Variants in FAM13A observed in about 807,000 individuals in gnomAD.
FAM13A encodes protein FAM13A.
FAM13A carries 76 observed loss-of-function variants against 129.6 expected under a neutral mutation model. The observed-to-expected ratio is 0.59, with a 90% CI of 0.49 to 0.71. The LOEUF is 0.71. Among genes scored for constraint, FAM13A ranks in the 30% least tolerant of loss-of-function variants. The pLI, the probability that FAM13A is intolerant of heterozygous loss-of-function variation, is 0.00. For synonymous variants in FAM13A, 443 were observed against 449.9 expected (o/e 0.98, Z 0.20); for missense variants, 1,108 against 1,249.3 (o/e 0.89, Z 1.70).
intron 6 of FAM13A, among the ~76,000 whole-genome samples, chr4:88,894,231 T>A (rs987356631): frequency 1.3e-5 from 2 of 152,212 alleles, no homozygotes; most frequent in Non-Finnish European, 1.5e-5. Flanking sequence ...ATGAGTCACA[T>A]GAAAATTATT....
intron 11 of FAM13A, among the ~76,000 whole-genome samples, chr4:88,779,959 G>A (rs1280366712): frequency 6.6e-6 from 1 of 151,898 alleles, no homozygotes; most frequent in African/African-American, 2.4e-5. Flanking sequence ...GCAAATCATG[G>A]GCCAATTAGA....
At chr4:88,735,714 C>T (rs1205849118) in intron 21 of FAM13A, among the ~76,000 whole-genome samples, 1 of 152,194 alleles carries the variant, frequency 6.6e-6, no homozygotes, top group Non-Finnish European at 1.5e-5. Flanking sequence ...AGTCCAAATA[C>T]TTTCTAATAG....
intron 2 of FAM13A, among the ~76,000 whole-genome samples, chr4:89,027,927 G>A (rs957607111): frequency 2.0e-5 from 3 of 151,964 alleles, no homozygotes; most frequent in African/African-American, 2.4e-5. Context: ...ATTGGTGGCC[G>A]GGTGCAGTGG....
intron 18 of FAM13A, among the ~76,000 whole-genome samples, chr4:88,747,235 C>T (rs111903413): frequency 0.012 from 1,766 of 152,214 alleles, 32 homozygotes; most frequent in African/African-American, 0.04. Context: ...ATCTCCCTCA[C>T]GGCAGCAAAG....
chr4:88,844,799 C>A (rs943574753), intron 7 of FAM13A, among the ~76,000 whole-genome samples: 1 of 152,094 alleles, frequency 6.6e-6, no homozygotes, highest in Non-Finnish European at 1.5e-5. Context: ...GGTGAGGAAG[C>A]TATGGGGCCA....
intron 11 of FAM13A, among the ~76,000 whole-genome samples, chr4:88,779,778 A>G (rs533186611): frequency 1.3e-5 from 2 of 152,338 alleles, no homozygotes; most frequent in Non-Finnish European, 2.9e-5. Flanking sequence ...TTCCACTTCT[A>G]TTAACTATTA....
chr4:88,890,315 G>A (rs943886102), intron 6 of FAM13A, among the ~76,000 whole-genome samples: 1 of 152,168 alleles, frequency 6.6e-6, no homozygotes, highest in Non-Finnish European at 1.5e-5. Flanking sequence ...GGGCAGGTCA[G>A]GTATCTAAAC....
chr4:88,766,001 A>G (rs543550631), intron 13 of FAM13A, among the ~76,000 whole-genome samples: 296 of 152,322 alleles, frequency 1.9e-3, no homozygotes, highest in Non-Finnish European at 3.0e-3. Context: ...ACCAAAGACC[A>G]AGGCAGACTG....
chr4:88,852,005 C>A (rs1360036823), intron 6 of FAM13A, among the ~76,000 whole-genome samples: 1 of 152,068 alleles, frequency 6.6e-6, no homozygotes, highest in Non-Finnish European at 1.5e-5. Flanking sequence ...ACACTGGAAG[C>A]TTTTTCTTGT....
intron 7 of FAM13A, among the ~76,000 whole-genome samples, chr4:88,845,635 G>A (rs1736514734): frequency 6.6e-6 from 1 of 152,146 alleles, no homozygotes; most frequent in Admixed American, 6.5e-5. Flanking sequence ...CATTCCTGGG[G>A]AAATCCATAG....
chr4:88,963,553 C>T (rs537751612), intron 4 of FAM13A, among the ~76,000 whole-genome samples: 2 of 152,276 alleles, frequency 1.3e-5, no homozygotes, highest in South Asian at 4.1e-4. Flanking sequence ...CTGCCTCGGC[C>T]TCCCAAAGTG....
At chr4:88,870,408 G>GA (rs1741159940) in intron 6 of FAM13A, among the ~76,000 whole-genome samples, 1 of 152,212 alleles carries the variant, frequency 6.6e-6, no homozygotes, top group Non-Finnish European at 1.5e-5. Flanking sequence ...ACTGTACCTG[G>GA]AAAATTGGGT....
At chr4:88,731,852 A>AT (rs1245393738) in intron 22 of FAM13A, 150 bp downstream of exon 22, 6 of 667,744 alleles carry the variant, frequency 9.0e-6, no homozygotes, top group African/African-American at 5.5e-5. Flanking sequence ...AAAAAAAGAA[A>AT]TTTTTTAAAA....
chr4:89,009,058 A>T (rs1026110632), intron 3 of FAM13A: 4 of 152,198 alleles, frequency 2.6e-5, no homozygotes, highest in Non-Finnish European at 5.9e-5. Context: ...TCAAGATGTC[A>T]CATCAGGATC....
At chr4:88,938,715 G>A (rs551716447) in intron 4 of FAM13A, among the ~76,000 whole-genome samples, 141 of 152,188 alleles carry the variant, frequency 9.3e-4, no homozygotes, top group Middle Eastern at 3.4e-3. Context: ...AGTGATGAGC[G>A]CATGGAAGGT....
chr4:88,785,464 T>C (rs1723777869), intron 10 of FAM13A, among the ~76,000 whole-genome samples: 1 of 152,114 alleles, frequency 6.6e-6, no homozygotes, highest in Non-Finnish European at 1.5e-5. Context: ...AAGACCTTTA[T>C]GGCGGCTCAT....
intron 4 of FAM13A, among the ~76,000 whole-genome samples, chr4:88,954,353 T>C (rs571988300): frequency 6.6e-6 from 1 of 152,312 alleles, no homozygotes; most frequent in East Asian, 1.9e-4. Context: ...TTAGAATACT[T>C]TTCTCTGCAG....
chr4:88,960,257 T>C (rs780444019), intron 4 of FAM13A, among the ~76,000 whole-genome samples: 3 of 152,266 alleles, frequency 2.0e-5, no homozygotes, highest in Non-Finnish European at 2.9e-5. Context: ...TGTCACTATG[T>C]GTTTCTCTTT....
intron 4 of FAM13A, among the ~76,000 whole-genome samples, chr4:88,951,529 T>C (rs149216940): frequency 1.1e-4 from 17 of 152,306 alleles, no homozygotes; most frequent in African/African-American, 3.8e-4. Context: ...CCAAAGGTGA[T>C]TAGGATCAAA....
Sources: allele counts gnomAD v4.1 joint callset (sites outside exome capture counted in the v4.1 genomes callset), GRCh38; gene constraint gnomAD v4.1.1; transcripts MANE v1.5; gene names NCBI Gene and HGNC (gene_info 2026-07-23, HGNC 2026-07-21).